MACO1: variants seen among roughly 807,000 people sequenced by gnomAD.
The protein encoded by MACO1 is macoilin 1.
MACO1 carries 14 observed loss-of-function variants against 78.7 expected under a neutral mutation model. The observed-to-expected ratio is 0.18, with a 90% CI of 0.12 to 0.28. MACO1 has a LOEUF of 0.28. Ranked by LOEUF, MACO1 falls within the 10% of genes least tolerant of loss-of-function variation. MACO1 has a pLI of 1.00. For missense variants in MACO1, 501 were observed against 799.0 expected (o/e 0.63, Z 4.50); for synonymous variants, 288 against 291.6 (o/e 0.99, Z 0.12).
chr1:25,438,632 G>A (rs1247861203), intron 1 of MACO1, among the ~76,000 whole-genome samples: 2 of 152,198 alleles, frequency 1.3e-5, no homozygotes, highest in Non-Finnish European at 2.9e-5. Context: ...ACTGGGCCCC[G>A]TGGCTCACGC....
At chr1:25,439,708 G>T (rs559589441) in intron 1 of MACO1, among the ~76,000 whole-genome samples, 2 of 150,070 alleles carry the variant, frequency 1.3e-5, no homozygotes, top group Non-Finnish European at 3.0e-5. Flanking sequence ...TTTGTCTCTG[G>T]ATCTCTTTAC....
chr1:25,448,299 C>G (rs890980236), intron 2 of MACO1, among the ~76,000 whole-genome samples: 4 of 152,068 alleles, frequency 2.6e-5, no homozygotes, highest in Admixed American at 6.6e-5. Flanking sequence ...CCTGTCTCTA[C>G]TAAAGTTACA....
At chr1:25,437,780 G>T (rs576743065) in intron 1 of MACO1, among the ~76,000 whole-genome samples, 6 of 152,220 alleles carry the variant, frequency 3.9e-5, no homozygotes, top group African/African-American at 1.4e-4. Flanking sequence ...AATTAGCTGG[G>T]TGTGGTGTCA....
rs1383437666 is a variant in MACO1, at chr1:25,499,438, A to G, written c.*972A>G. 85 of 147,090 alleles carry G rather than the reference A, an allele frequency of 5.8e-4. No homozygotes were observed. The highest frequency in any genetic ancestry group is 2.1e-3 in the African/African-American group (83 of 39,628). The allele number at this position is 147,090 out of a possible 1,614,324, so 9.1% of individuals were successfully genotyped here. A position where few individuals can be genotyped will look rare whatever the true frequency, so the allele number is the denominator to read the frequency against. On this transcript the variant is annotated 3_prime_UTR_variant, in exon 11 of 11. Transcript: ENST00000374343. ...GATGGCTAATAAAAGCTGCGGGTCT[A>G]GGTTTTTTTTTTTTTGTTTTGTTTT...
At chr1:25,473,917 G>C (rs2124599724) in intron 6 of MACO1, among the ~76,000 whole-genome samples, 1 of 152,252 alleles carries the variant, frequency 6.6e-6, no homozygotes, top group South Asian at 2.1e-4. Flanking sequence ...TTTCTTGTTA[G>C]AGTGTTCCAA....
chr1:25,453,682 GAA>G (rs2043088959), intron 3 of MACO1, among the ~76,000 whole-genome samples: 1 of 124,270 alleles, frequency 8.0e-6, no homozygotes, highest in Admixed American at 7.8e-5. Context: ...AAAAAAAAAA[GAA>G]GTGGAATTTC....
At chr1:25,442,800 C>T (rs745930612) in intron 1 of MACO1, among the ~76,000 whole-genome samples, 1 of 152,168 alleles carries the variant, frequency 6.6e-6, no homozygotes, top group Non-Finnish European at 1.5e-5. Flanking sequence ...ATTTCATTGG[C>T]ACTCGGAAGC....
chr1:25,461,345 A>C (rs1380455873), intron 6 of MACO1, among the ~76,000 whole-genome samples: 1 of 152,148 alleles, frequency 6.6e-6, no homozygotes, highest in East Asian at 1.9e-4. Context: ...CATGTACCCT[A>C]AAACTTAAAG....
At chr1:25,484,743 T>C (rs1464766351) in intron 7 of MACO1, among the ~76,000 whole-genome samples, 1 of 152,236 alleles carries the variant, frequency 6.6e-6, no homozygotes, top group Non-Finnish European at 1.5e-5. Flanking sequence ...TTTGATTAGT[T>C]CATTCTGGAA....
In MACO1 at chr1:25,492,746, T is replaced by C. The variant is rs555709297; in HGVS notation, c.1792+1162T>C. 2.3e-4 allele frequency among the ~76,000 whole-genome samples: 35 copies of C among 152,150 alleles called. 1 individual carries two copies. The South Asian group carries it at 4.4e-3, about 19-fold the overall frequency. The stretch of plus-strand genomic sequence containing the variant: ...AAATTTGGATTTTTGTCCAAGAAAT[T>C]GATTAGCTATCCAACCAGAGTACTA... On this transcript the variant is annotated intron_variant, in intron 10 of 10. Transcript: ENST00000374343.
chr1:25,469,827 C>T (rs1010530378), intron 6 of MACO1, among the ~76,000 whole-genome samples: 3 of 151,874 alleles, frequency 2.0e-5, no homozygotes, highest in Non-Finnish European at 2.9e-5. Context: ...GGGGTTTCAC[C>T]GTATTGGCCA....
chr1:25,446,962 T>C (rs1328590929), intron 2 of MACO1, 59 bp downstream of exon 2: 4 of 1,546,994 alleles, frequency 2.6e-6, no homozygotes, highest in East Asian at 2.3e-5. Context: ...TTAGAGTAGA[T>C]GTTATTAGCA....
At chr1:25,451,310 G>A (rs2043063797) in intron 3 of MACO1, among the ~76,000 whole-genome samples, 1 of 152,058 alleles carries the variant, frequency 6.6e-6, no homozygotes, top group Non-Finnish European at 1.5e-5. Context: ...TAATATTGTA[G>A]CATAAGCTTT....
At chr1:25,479,923 T>A (rs1322403890) in intron 6 of MACO1, among the ~76,000 whole-genome samples, 1 of 152,146 alleles carries the variant, frequency 6.6e-6, no homozygotes, top group East Asian at 1.9e-4. Context: ...TTAAATATAT[T>A]TACATGTACG....
intron 3 of MACO1, among the ~76,000 whole-genome samples, chr1:25,453,855 A>G (rs2043091358): frequency 6.6e-6 from 1 of 152,138 alleles, no homozygotes; most frequent in African/African-American, 2.4e-5. Context: ...CTAATAGTTA[A>G]GAAAATGGAA....
intron 3 of MACO1, among the ~76,000 whole-genome samples, chr1:25,451,199 TATGAG>T (rs2043062298): frequency 6.6e-6 from 1 of 152,188 alleles, no homozygotes; most frequent in Non-Finnish European, 1.5e-5. Context: ...GGCTGACAAA[TATGAG>T]TGCAATTCCT....
At chr1:25,451,712 A>T (rs1571958894) in intron 3 of MACO1, among the ~76,000 whole-genome samples, 1 of 152,012 alleles carries the variant, frequency 6.6e-6, no homozygotes, top group African/African-American at 2.4e-5. Context: ...TTCAAAACCA[A>T]CCTGGCCAAA....
intron 6 of MACO1, among the ~76,000 whole-genome samples, chr1:25,471,067 G>T (rs1376344996): frequency 6.6e-6 from 1 of 150,672 alleles, no homozygotes; most frequent in African/African-American, 2.4e-5. Flanking sequence ...GGCCGGGTAC[G>T]GTGGCTCACA....
chr1:25,485,521 A>G lies in MACO1; in HGVS notation c.1314-92A>G. On this transcript the variant is annotated intron_variant, in intron 7 of 10. Transcript: ENST00000374343. The surrounding 1 kb of genome is among the most constrained non-coding windows in gnomAD (Gnocchi z 4.3). ...ATTTGCTGTTCAAACCTCCTGTTTA[A>G]TTGGCCTTAAGGTGATAAAGAGATG... 1.5e-6 allele frequency: 2 copies of G among 1,327,444 alleles called. No individual in the cohort carries two copies. Among genetic ancestry groups the G allele is most frequent in the Non-Finnish European group, 2.0e-6 (2 of 977,328 alleles). The allele number at this position is 1,327,444 out of a possible 1,614,324, so 82.2% of individuals were successfully genotyped here.
Sources: gnomAD v4.1 joint callset for allele counts (sites outside exome capture counted in the v4.1 genomes callset) on GRCh38, gnomAD v4.1.1 for gene constraint, Gnocchi (gnomAD v3.1) non-coding constraint, MANE v1.5 for transcripts, NCBI Gene and HGNC (gene_info 2026-07-23, HGNC 2026-07-21) for gene names.